ADAMTS17: variants seen among roughly 807,000 people sequenced by gnomAD.
ADAMTS17 encodes A disintegrin and metalloproteinase with thrombospondin motifs 17.
A neutral mutation model predicts 141.5 loss-of-function variants in ADAMTS17; 113 were observed. The ratio of observed to expected loss-of-function variants is 0.80; its 90% confidence interval spans 0.69 to 0.93. ADAMTS17 has a LOEUF of 0.93. Ranked by LOEUF, ADAMTS17 falls within the 40% of genes least tolerant of loss-of-function variation. The probability of loss-of-function intolerance (pLI) is 0.00; values close to 1 mark genes in which losing one functional copy is unlikely to be tolerated. For missense variants in ADAMTS17, 1,659 were observed against 1,517.9 expected (o/e 1.09, Z -1.54); for synonymous variants, 768 against 630.6 (o/e 1.22, Z -3.27).
In ADAMTS17 at chr15:100,295,909, A is replaced by C. The variant is rs943230257; in HGVS notation, c.617-14508T>G. Among the ~76,000 whole-genome samples the C allele has an allele frequency of 3.3e-5, 5 of 152,292 alleles. No homozygotes were observed. In the East Asian group the frequency reaches 7.7e-4, roughly 24 times the overall value. On this transcript the variant is annotated intron_variant, in intron 3 of 21. Coordinates refer to ENST00000268070, the MANE Select transcript of ADAMTS17 (RefSeq NM_139057.4). ...TTCCTTTCACCATAGAAATATCAGG[A>C]TATTGAATATGTACTTCCACACTAC...
At chr15:100,318,082 ATGAC>A (rs1488668439) in intron 3 of ADAMTS17, among the ~76,000 whole-genome samples, 1 of 152,160 alleles carries the variant, frequency 6.6e-6, no homozygotes, top group Non-Finnish European at 1.5e-5. Flanking sequence ...GCCTCCATCA[ATGAC>A]TGAGGTGACG....
intron 14 of ADAMTS17, among the ~76,000 whole-genome samples, chr15:100,096,828 C>T (rs2035790863): frequency 6.6e-6 from 1 of 152,234 alleles, no homozygotes; most frequent in Non-Finnish European, 1.5e-5. Flanking sequence ...TGAACCCTCA[C>T]ACCAGCAGGT....
chr15:100,125,987 A>C (rs1461045052), intron 12 of ADAMTS17: 1 of 152,204 alleles, frequency 6.6e-6, no homozygotes, highest in East Asian at 1.9e-4. Context: ...CATAGCAGTG[A>C]ATTTGGGACA....
chr15:99,977,958 G>A (rs967287384), intron 20 of ADAMTS17, among the ~76,000 whole-genome samples: 4 of 152,186 alleles, frequency 2.6e-5, no homozygotes, highest in South Asian at 2.1e-4. Flanking sequence ...CAGCAAAACC[G>A]GTACAGCAGC....
intron 15 of ADAMTS17, among the ~76,000 whole-genome samples, chr15:100,060,799 G>A (rs905328393): frequency 5.3e-5 from 8 of 152,264 alleles, no homozygotes; most frequent in African/African-American, 1.7e-4. Flanking sequence ...GTGGGCTGAA[G>A]GTAGGTGGGG....
At chr15:100,323,836 C>G (rs954803254) in intron 3 of ADAMTS17, among the ~76,000 whole-genome samples, 2 of 151,822 alleles carry the variant, frequency 1.3e-5, no homozygotes, top group Non-Finnish European at 2.9e-5. Context: ...TTAAAACATA[C>G]AAAACAATAC....
At chr15:100,283,432 T>C (rs2044347658) in intron 3 of ADAMTS17, among the ~76,000 whole-genome samples, 1 of 152,210 alleles carries the variant, frequency 6.6e-6, no homozygotes, top group Non-Finnish European at 1.5e-5. Flanking sequence ...GATTCCTTCC[T>C]TGTTTCCATT....
chr15:100,091,748 C>T (rs1444100334), intron 15 of ADAMTS17, among the ~76,000 whole-genome samples: 2 of 152,194 alleles, frequency 1.3e-5, no homozygotes, highest in East Asian at 3.8e-4. Context: ...ACTCTGGCTA[C>T]GTGTACTTGG....
chr15:100,141,849 G>A (rs2038670734), intron 10 of ADAMTS17, among the ~76,000 whole-genome samples: 1 of 152,254 alleles, frequency 6.6e-6, no homozygotes, highest in Non-Finnish European at 1.5e-5. Context: ...GGCTGCAGAT[G>A]CTGGGCAGGA....
intron 2 of ADAMTS17, among the ~76,000 whole-genome samples, chr15:100,332,528 C>T (rs759991524): frequency 1.2e-4 from 18 of 152,204 alleles, no homozygotes; most frequent in Admixed American, 7.9e-4. Flanking sequence ...TCAAAGCCCC[C>T]CCAGGATCTA....
chr15:100,166,210 T>A (rs2039945593), intron 8 of ADAMTS17, among the ~76,000 whole-genome samples: 1 of 152,240 alleles, frequency 6.6e-6, no homozygotes, highest in African/African-American at 2.4e-5. Flanking sequence ...AGATCTGCTT[T>A]TTATTCTATT....
At chr15:100,193,521 G>A (rs943546764) in intron 8 of ADAMTS17, among the ~76,000 whole-genome samples, 1 of 152,190 alleles carries the variant, frequency 6.6e-6, no homozygotes, top group Non-Finnish European at 1.5e-5. Context: ...GCCAGAAAGA[G>A]CAACAACGAG....
At chr15:100,052,916 C>A (rs566871644) in intron 16 of ADAMTS17, among the ~76,000 whole-genome samples, 1 of 152,228 alleles carries the variant, frequency 6.6e-6, no homozygotes, top group Non-Finnish European at 1.5e-5. Context: ...TACGGGGCAA[C>A]GCCCACCCTG....
intron 18 of ADAMTS17, among the ~76,000 whole-genome samples, chr15:100,001,552 G>T (rs1460423297): frequency 6.6e-6 from 1 of 152,136 alleles, no homozygotes; most frequent in Non-Finnish European, 1.5e-5. Context: ...GTCAGGGTAG[G>T]TCCCTCAGCG....
At chr15:100,135,868 A>G in intron 10 of ADAMTS17, among the ~76,000 whole-genome samples, 1 of 152,222 alleles carries the variant, frequency 6.6e-6, no homozygotes, top group East Asian at 1.9e-4. Flanking sequence ...TACAACCACC[A>G]TTAGATTAGA....
At chr15:100,091,010 C>CAACAACAAAAAAAAA (rs1555446585) in intron 15 of ADAMTS17, among the ~76,000 whole-genome samples, 2 of 54,596 alleles carry the variant, frequency 3.7e-5, no homozygotes, top group Admixed American at 4.2e-4. Context: ...TCCGTCTCAA[C>CAACAACAAAAAAAAA]AAAAAAAAAA....
intron 7 of ADAMTS17, among the ~76,000 whole-genome samples, chr15:100,205,516 A>G (rs925749409): frequency 2.0e-5 from 3 of 152,120 alleles, no homozygotes; most frequent in Non-Finnish European, 4.4e-5. Context: ...ATCACGTGGG[A>G]GGGGTTCTCC....
intron 7 of ADAMTS17, among the ~76,000 whole-genome samples, chr15:100,247,164 G>A (rs1372875600): frequency 1.3e-5 from 2 of 152,196 alleles, no homozygotes; most frequent in South Asian, 4.1e-4. Context: ...TGAGATTACT[G>A]GCATGAACCA....
chr15:99,985,816 T>C (rs2727218), intron 20 of ADAMTS17, among the ~76,000 whole-genome samples: 16,441 of 152,172 alleles, frequency 0.11, 2,748 homozygotes, highest in African/African-American at 0.36. Context: ...GCTTTGTAAA[T>C]TCTAAAGCAA....
Sources: gnomAD v4.1 joint callset for allele counts (sites outside exome capture counted in the v4.1 genomes callset) on GRCh38, gnomAD v4.1.1 for gene constraint, MANE v1.5 for transcripts, NCBI Gene and HGNC (gene_info 2026-07-23, HGNC 2026-07-21) for gene names.